RBMS3: variants seen among roughly 807,000 people sequenced by gnomAD.
RBMS3 encodes RNA-binding motif, single-stranded-interacting protein 3.
In RBMS3, 27 loss-of-function variants were observed where a neutral mutation model predicts 66.8. The observed-to-expected ratio is 0.40, with a 90% CI of 0.30 to 0.56. The LOEUF (loss-of-function observed/expected upper bound fraction) is 0.56, where lower values mean the gene tolerates loss of function less well. RBMS3 is among the 20% of genes least tolerant of loss of function. The pLI is 0.40. For missense variants in RBMS3, 513 were observed against 549.5 expected (o/e 0.93, Z 0.66); for synonymous variants, 188 against 183.0 (o/e 1.03, Z -0.22).
rs868443184 is a variant in RBMS3 at position 29,892,851 on chromosome 3, T to G, written c.792-4528T>G. 1.7e-3 allele frequency among the ~76,000 whole-genome samples: 205 copies of G among 121,570 alleles called. 2 individuals carry two copies. Among genetic ancestry groups the G allele is most frequent in the South Asian group, 1.5e-3 (6 of 4,028 alleles). The allele number at this position is 121,570 out of a possible 152,430, so 79.8% of individuals were successfully genotyped here. A position where few individuals can be genotyped will look rare whatever the true frequency, so the allele number is the denominator to read the frequency against. On this transcript the variant is annotated intron_variant, in intron 8 of 14. Coordinates refer to ENST00000383767, the MANE Select transcript of RBMS3 (RefSeq NM_001003793.3). ...TGTATGTATGTATGTATGTATTTAT[T>G]TATTTATTTATTTATTTTTAATGTG...
chr3:29,979,592 C>G (rs1346083285), intron 12 of RBMS3, among the ~76,000 whole-genome samples: 1 of 152,148 alleles, frequency 6.6e-6, no homozygotes, highest in African/African-American at 2.4e-5. Flanking sequence ...CCCTAGCCCC[C>G]CACCACCTGA....
chr3:29,976,118 CTTG>C (rs563855930), intron 12 of RBMS3, among the ~76,000 whole-genome samples: 46 of 151,680 alleles, frequency 3.0e-4, no homozygotes, highest in Middle Eastern at 3.4e-3. Flanking sequence ...TTAATTTTCT[CTTG>C]TTGACTTATA....
chr3:29,405,189 G>A (rs1559553185), intron 1 of RBMS3, among the ~76,000 whole-genome samples: 1 of 152,120 alleles, frequency 6.6e-6, no homozygotes, highest in Non-Finnish European at 1.5e-5. Flanking sequence ...TGTTGTTCAT[G>A]AATAAGTTAT....
At chr3:29,855,514 G>A (rs1163180026) in intron 6 of RBMS3, among the ~76,000 whole-genome samples, 2 of 152,124 alleles carry the variant, frequency 1.3e-5, no homozygotes, top group Admixed American at 6.5e-5. Flanking sequence ...CTGCCAAGCT[G>A]CAATTACTAT....
intron 1 of RBMS3, among the ~76,000 whole-genome samples, chr3:29,385,985 A>G (rs2038990994): frequency 1.3e-5 from 2 of 152,008 alleles, no homozygotes. Context: ...CTCTGCTTAG[A>G]TTTCGTGAAA....
chr3:29,578,035 G>A (rs1015060663), intron 3 of RBMS3, among the ~76,000 whole-genome samples: 1 of 152,204 alleles, frequency 6.6e-6, no homozygotes, highest in African/African-American at 2.4e-5. Context: ...AAAGGAATGT[G>A]TGTACAATTG....
chr3:29,451,579 GT>G (rs966770358), intron 2 of RBMS3, among the ~76,000 whole-genome samples: 1 of 151,436 alleles, frequency 6.6e-6, no homozygotes, highest in Non-Finnish European at 1.5e-5. Flanking sequence ...TGTGGTTTTT[GT>G]TTTTTTCAGA....
intron 10 of RBMS3, chr3:29,933,930 T>A (rs2061196282): frequency 6.6e-6 from 1 of 152,124 alleles, no homozygotes; most frequent in Admixed American, 6.6e-5. Flanking sequence ...CCAAAATTAA[T>A]TCCAAGTGCA....
chr3:29,412,282 A>G (rs1199745098), intron 1 of RBMS3, among the ~76,000 whole-genome samples: 1 of 152,194 alleles, frequency 6.6e-6, no homozygotes, highest in Non-Finnish European at 1.5e-5. Flanking sequence ...ATAAGCCACT[A>G]TGCTTGCTTT....
chr3:29,819,670 G>T (rs973015212), intron 6 of RBMS3, among the ~76,000 whole-genome samples: 4 of 151,914 alleles, frequency 2.6e-5, no homozygotes, highest in Non-Finnish European at 5.9e-5. Flanking sequence ...TGCAGCAATG[G>T]TTGTTCTTCA....
At position 29,366,410 on chromosome 3, in the gene RBMS3, A is replaced by G. The variant is rs1010221602; in HGVS notation, c.76-68333A>G. ...TTTTTTGTTTGTTTGTTTTTTAAAC[A>G]GGGTCTTGCTTTGTTGTCTAGACTA... On this transcript the variant is annotated intron_variant, in intron 1 of 14. Coordinates refer to ENST00000383767, the MANE Select transcript of RBMS3 (RefSeq NM_001003793.3). Among the ~76,000 whole-genome samples the G allele has an allele frequency of 3.3e-5, 5 of 152,152 alleles. No homozygotes were observed. In the South Asian group the frequency reaches 8.3e-4, roughly 25 times the overall value.
chr3:29,539,023 A>G (rs972788559), intron 3 of RBMS3, among the ~76,000 whole-genome samples: 1 of 152,178 alleles, frequency 6.6e-6, no homozygotes, highest in African/African-American at 2.4e-5. Flanking sequence ...ACTAATTTCA[A>G]CTTATATAAT....
chr3:29,798,711 C>G (rs1302314556), intron 6 of RBMS3, among the ~76,000 whole-genome samples: 26 of 152,226 alleles, frequency 1.7e-4, no homozygotes, highest in Admixed American at 1.7e-3. Flanking sequence ...TCACCTTAGC[C>G]TATTTGAAAC....
At chr3:29,809,828 T>C (rs2057677260) in intron 6 of RBMS3, among the ~76,000 whole-genome samples, 1 of 152,020 alleles carries the variant, frequency 6.6e-6, no homozygotes, top group South Asian at 2.1e-4. Flanking sequence ...ATGAAGAAAA[T>C]AACTTTCAGT....
intron 12 of RBMS3, among the ~76,000 whole-genome samples, chr3:29,973,127 C>T (rs1324470612): frequency 6.6e-6 from 1 of 151,922 alleles, no homozygotes; most frequent in Non-Finnish European, 1.5e-5. Context: ...TTGGTTTGAC[C>T]TTAACAGACT....
intron 1 of RBMS3, among the ~76,000 whole-genome samples, chr3:29,344,653 C>G (rs1246342053): frequency 6.6e-6 from 1 of 151,988 alleles, no homozygotes; most frequent in African/African-American, 2.4e-5. Flanking sequence ...GGTGACTATC[C>G]TTTTTTGTAT....
chr3:29,988,299 A>G, intron 13 of RBMS3, 76 bp downstream of exon 13: 1 of 1,245,782 alleles, frequency 8.0e-7, no homozygotes, highest in South Asian at 1.3e-5. Context: ...CCCCATAACC[A>G]TAGGAATCCT....
chr3:29,598,345 C>T (rs2149111791), intron 4 of RBMS3, among the ~76,000 whole-genome samples: 1 of 152,130 alleles, frequency 6.6e-6, no homozygotes, highest in South Asian at 2.1e-4. Context: ...CCAATTTCCC[C>T]ATGAAATATG....
intron 1 of RBMS3, among the ~76,000 whole-genome samples, chr3:29,351,513 A>C (rs2036911919): frequency 6.6e-6 from 1 of 152,088 alleles, no homozygotes; most frequent in Admixed American, 6.6e-5. Flanking sequence ...ACAAAGGAGG[A>C]TAAAATATTT....
Sources: gnomAD v4.1 joint callset for allele counts (sites outside exome capture counted in the v4.1 genomes callset) on GRCh38, gnomAD v4.1.1 for gene constraint, MANE v1.5 for transcripts, NCBI Gene and HGNC (gene_info 2026-07-23, HGNC 2026-07-21) for gene names.